Variants in PPP2R2B observed in about 807,000 individuals in gnomAD.
The protein encoded by PPP2R2B is serine/threonine-protein phosphatase 2A 55 kDa regulatory subunit B beta isoform.
Under a neutral mutation model 46.0 loss-of-function variants are expected in PPP2R2B, and 5 were observed. The ratio of observed to expected loss-of-function variants is 0.11; its 90% CI spans 0.06 to 0.23. The LOEUF (loss-of-function observed/expected upper bound fraction) is 0.23, where lower values mean the gene tolerates loss of function less well. Ranked by LOEUF, PPP2R2B falls within the 10% of genes least tolerant of loss-of-function variation. The probability of loss-of-function intolerance (pLI) is 1.00; values close to 1 mark genes in which losing one functional copy is unlikely to be tolerated. For missense variants in PPP2R2B, 367 were observed against 575.0 expected (o/e 0.64, Z 3.70); for synonymous variants, 215 against 206.7 (o/e 1.04, Z -0.34).
chr5:146,823,470 T>C (rs1408048315), intron 2 of PPP2R2B, among the ~76,000 whole-genome samples: 1 of 152,028 alleles, frequency 6.6e-6, no homozygotes, highest in Non-Finnish European at 1.5e-5. Context: ...TTGCTGGGAT[T>C]ACAGGCGTGA....
intron 2 of PPP2R2B, among the ~76,000 whole-genome samples, chr5:147,063,149 G>A (rs978833507): frequency 1.3e-5 from 2 of 151,884 alleles, no homozygotes; most frequent in Admixed American, 6.6e-5. Flanking sequence ...TATTACAGAA[G>A]GGCCAAAAGA....
upstream of PPP2R2B, among the ~76,000 whole-genome samples, chr5:146,882,965 C>G (rs1762214422): frequency 6.6e-6 from 1 of 152,160 alleles, no homozygotes. Flanking sequence ...TGGTCCCCTC[C>G]CCCAACACTC....
Position 146,709,157 on chromosome 5 carries a change from T to C in PPP2R2B, c.71-8015A>G, listed in dbSNP as rs550903318. The stretch of plus-strand genomic sequence containing the variant: ...TAATTAATTCTGTGCATACTGGTTT[T>C]ATCTTCAACCTGGTGCTGGTTTACC... On this transcript the variant is annotated intron_variant, in intron 2 of 9. Coordinates refer to ENST00000394411, the MANE Select transcript of PPP2R2B (RefSeq NM_181675.4). 1.1e-3 allele frequency among the ~76,000 whole-genome samples: 171 copies of C among 152,348 alleles called. 2 individuals are homozygous for C. The highest frequency in any genetic ancestry group is 2.6e-3 in the Admixed American group (40 of 15,300).
At chr5:146,811,983 G>C (rs1307865062) in intron 2 of PPP2R2B, among the ~76,000 whole-genome samples, 3 of 152,066 alleles carry the variant, frequency 2.0e-5, no homozygotes, top group African/African-American at 7.2e-5. Flanking sequence ...ACTCACTGGG[G>C]AAGTTGAGAT....
intron 1 of PPP2R2B, among the ~76,000 whole-genome samples, chr5:147,037,159 GA>G (rs11448746): frequency 6.6e-6 from 1 of 151,600 alleles, no homozygotes; most frequent in Non-Finnish European, 1.5e-5. Context: ...TAGCTTCAGG[GA>G]AAAAAAATTA....
At chr5:146,626,410 A>G (rs975061118) in intron 7 of PPP2R2B, among the ~76,000 whole-genome samples, 2 of 152,250 alleles carry the variant, frequency 1.3e-5, no homozygotes, top group Admixed American at 6.5e-5. Context: ...CATAAAACAC[A>G]GACTTAGATT....
intron 5 of PPP2R2B, among the ~76,000 whole-genome samples, chr5:146,689,917 G>A (rs1216599633): frequency 6.6e-6 from 1 of 152,190 alleles, no homozygotes; most frequent in Non-Finnish European, 1.5e-5. Context: ...TTAGGACAGG[G>A]TAAACACCTA....
At chr5:146,660,681 G>A (rs557938896) in intron 5 of PPP2R2B, among the ~76,000 whole-genome samples, 3 of 152,114 alleles carry the variant, frequency 2.0e-5, no homozygotes, top group Non-Finnish European at 4.4e-5. Flanking sequence ...GCCTCAATAT[G>A]TCCCTAATTT....
At chr5:146,831,187 G>C (rs1758907094) in intron 2 of PPP2R2B, among the ~76,000 whole-genome samples, 1 of 151,926 alleles carries the variant, frequency 6.6e-6, no homozygotes, top group Non-Finnish European at 1.5e-5. Flanking sequence ...TAAAAAAAAA[G>C]TTAACCTTTA....
At chr5:146,908,787 C>A (rs1763086212) in intron 1 of PPP2R2B, among the ~76,000 whole-genome samples, 2 of 151,332 alleles carry the variant, frequency 1.3e-5, no homozygotes, top group African/African-American at 4.9e-5. Flanking sequence ...CCCTCCCTTC[C>A]TCCCTTCCTC....
chr5:146,726,850 A>G (rs1270044268), intron 2 of PPP2R2B, among the ~76,000 whole-genome samples: 1 of 152,144 alleles, frequency 6.6e-6, no homozygotes, highest in African/African-American at 2.4e-5. Flanking sequence ...ATAGAGGGCC[A>G]TATACAGTTC....
chr5:146,708,698 C>A (rs112863419), intron 2 of PPP2R2B, among the ~76,000 whole-genome samples: 24 of 152,210 alleles, frequency 1.6e-4, no homozygotes, highest in African/African-American at 5.3e-4. Flanking sequence ...CTTGATTTGG[C>A]ACCAATAATT....
intron 2 of PPP2R2B, among the ~76,000 whole-genome samples, chr5:146,845,976 T>C (rs1289996863): frequency 6.6e-6 from 1 of 152,202 alleles, no homozygotes; most frequent in East Asian, 1.9e-4. Flanking sequence ...GAGTAAAATA[T>C]ACACTGAGTT....
intron 1 of PPP2R2B, among the ~76,000 whole-genome samples, chr5:147,030,413 C>G (rs1755726341): frequency 6.6e-6 from 1 of 151,988 alleles, no homozygotes; most frequent in African/African-American, 2.4e-5. Context: ...GAAAATATCC[C>G]ATTAAAAAGT....
intron 1 of PPP2R2B, among the ~76,000 whole-genome samples, chr5:146,894,146 G>C (rs1459951205): frequency 6.6e-6 from 1 of 152,186 alleles, no homozygotes; most frequent in Non-Finnish European, 1.5e-5. Flanking sequence ...TGTTCCTGCG[G>C]TAGCTTCTGG....
intron 2 of PPP2R2B, among the ~76,000 whole-genome samples, chr5:146,772,850 T>C (rs573829660): frequency 4.6e-5 from 7 of 152,290 alleles, no homozygotes; most frequent in African/African-American, 1.7e-4. Flanking sequence ...CAAAGGAATA[T>C]GGATAGAAAT....
intron 1 of PPP2R2B, among the ~76,000 whole-genome samples, chr5:146,975,466 T>C (rs1334999303): frequency 6.6e-6 from 1 of 152,232 alleles, no homozygotes; most frequent in African/African-American, 2.4e-5. Context: ...GCTGTAAACA[T>C]GGGTATGCAA....
intron 1 of PPP2R2B, among the ~76,000 whole-genome samples, chr5:146,913,722 C>A (rs1409037639): frequency 6.6e-6 from 1 of 152,064 alleles, no homozygotes; most frequent in East Asian, 1.9e-4. Context: ...CTCTCTAATA[C>A]CATAAATATA....
chr5:146,997,324 T>C (rs1198496232), intron 1 of PPP2R2B, among the ~76,000 whole-genome samples: 1 of 152,122 alleles, frequency 6.6e-6, no homozygotes, highest in East Asian at 1.9e-4. Context: ...TGACCCCTGG[T>C]AAAAAACACT....
Sources: allele counts gnomAD v4.1 joint callset (sites outside exome capture counted in the v4.1 genomes callset), GRCh38; gene constraint gnomAD v4.1.1; transcripts MANE v1.5; gene names NCBI Gene and HGNC (gene_info 2026-07-23, HGNC 2026-07-21).